SYN2: variants seen among roughly 807,000 people sequenced by gnomAD.
SYN2 encodes the protein synapsin-2.
Under a neutral mutation model 50.9 loss-of-function variants are expected in SYN2, and 19 were observed. The ratio of observed to expected loss-of-function variants is 0.37; its 90% confidence interval spans 0.26 to 0.55. The LOEUF (loss-of-function observed/expected upper bound fraction) is 0.55. Ranked by LOEUF, SYN2 falls within the 20% of genes least tolerant of loss-of-function variation. SYN2 has a pLI of 0.81. For missense variants in SYN2, 587 were observed against 576.4 expected (o/e 1.02, Z -0.19); for synonymous variants, 255 against 224.9 (o/e 1.13, Z -1.20).
At chr3:12,146,045 A>G (rs959065470) in intron 4 of SYN2, among the ~76,000 whole-genome samples, 2 of 152,226 alleles carry the variant, frequency 1.3e-5, no homozygotes, top group Admixed American at 1.3e-4. Flanking sequence ...AGGGCTGGCC[A>G]TCAGAATAGC....
chr3:12,176,338 G>T (rs549772001), intron 10 of SYN2, among the ~76,000 whole-genome samples: 1 of 152,238 alleles, frequency 6.6e-6, no homozygotes, highest in African/African-American at 2.4e-5. Context: ...CATTATACTG[G>T]TTCCACTCTT....
intron 1 of SYN2, among the ~76,000 whole-genome samples, chr3:12,011,183 C>A (rs1313588202): frequency 6.6e-6 from 1 of 152,124 alleles, no homozygotes; most frequent in African/African-American, 2.4e-5. Context: ...TGAATAATTT[C>A]AAAAACAGTG....
chr3:12,095,737 G>C (rs1001972878), intron 1 of SYN2, among the ~76,000 whole-genome samples: 1 of 150,036 alleles, frequency 6.7e-6, no homozygotes, highest in Non-Finnish European at 1.5e-5. Flanking sequence ...CCCAGTACCA[G>C]ATCTCTAAGT....
intron 6 of SYN2, 106 bp from the exon 7 acceptor site, chr3:12,161,906 G>A (rs1697657235): frequency 1.3e-6 from 2 of 1,482,200 alleles, no homozygotes; most frequent in Non-Finnish European, 1.8e-6. Flanking sequence ...TTAGTGTCTG[G>A]ATCGGATACA....
Position 12,158,961 on chromosome 3 carries a change from A to G in SYN2, c.775-2585A>G, listed in dbSNP as rs949155285. 2.9e-6 allele frequency: 4 copies of G among 1,356,648 alleles called. No homozygotes were observed. In the African/African-American group the frequency reaches 4.5e-5, roughly 15 times the overall value. The allele number at this position is 1,356,648 out of a possible 1,614,324, so 84.0% of individuals were successfully genotyped here. On this transcript the variant is annotated intron_variant, in intron 5 of 12. Transcript: ENST00000621198. ...CTTTATGAGGTGGCCCTAAGGGCCAATCCCGCCCCGACGGGCTCCGCCTTC... is the reference window on the plus strand; with the variant it reads ...CTTTATGAGGTGGCCCTAAGGGCCAGTCCCGCCCCGACGGGCTCCGCCTTC...
intron 5 of SYN2, among the ~76,000 whole-genome samples, chr3:12,157,815 C>T (rs1380345013): frequency 6.6e-6 from 1 of 152,092 alleles, no homozygotes; most frequent in Non-Finnish European, 1.5e-5. Context: ...GAGGAGGAGC[C>T]CCTTCAGGGC....
At chr3:12,127,117 G>T (rs1696687509) in intron 1 of SYN2, among the ~76,000 whole-genome samples, 1 of 152,206 alleles carries the variant, frequency 6.6e-6, no homozygotes, top group African/African-American at 2.4e-5. Flanking sequence ...TCAAAGGAAT[G>T]TGTCCAAACA....
chr3:12,095,782 A>G (rs1695919609), intron 1 of SYN2, among the ~76,000 whole-genome samples: 1 of 151,258 alleles, frequency 6.6e-6, no homozygotes, highest in Non-Finnish European at 1.5e-5. Flanking sequence ...CAGAGCCCTT[A>G]GTTGTTCTCT....
chr3:12,099,247 A>G (rs996021131), intron 1 of SYN2, among the ~76,000 whole-genome samples: 2 of 152,184 alleles, frequency 1.3e-5, no homozygotes, highest in Non-Finnish European at 2.9e-5. Context: ...ACCCAACAAT[A>G]GTAGAATGCC....
At chr3:12,046,205 A>T (rs1390197171) in intron 1 of SYN2, among the ~76,000 whole-genome samples, 2 of 152,128 alleles carry the variant, frequency 1.3e-5, no homozygotes, top group Non-Finnish European at 2.9e-5. Flanking sequence ...ATGTCTGGTA[A>T]ATTGGGTGGG....
At chr3:12,040,456 G>T (rs1330808107) in intron 1 of SYN2, among the ~76,000 whole-genome samples, 1 of 139,998 alleles carries the variant, frequency 7.1e-6, no homozygotes, top group Non-Finnish European at 1.5e-5. Flanking sequence ...TTTTTGAGAC[G>T]GAGTTTCGCT....
chr3:12,122,643 T>A (rs550839512), intron 1 of SYN2, among the ~76,000 whole-genome samples: 1 of 152,172 alleles, frequency 6.6e-6, no homozygotes, highest in Non-Finnish European at 1.5e-5. Context: ...AAAAAATGCT[T>A]CCTTTGAGAA....
At chr3:12,139,764 C>G (rs1055140779) in intron 1 of SYN2, among the ~76,000 whole-genome samples, 1 of 152,138 alleles carries the variant, frequency 6.6e-6, no homozygotes, top group African/African-American at 2.4e-5. Context: ...CTCAACTTAC[C>G]TAACAGGTAG....
At chr3:12,074,019 T>C (rs1387346403) in intron 1 of SYN2, among the ~76,000 whole-genome samples, 2 of 152,198 alleles carry the variant, frequency 1.3e-5, no homozygotes, top group Non-Finnish European at 2.9e-5. Context: ...ATTTAGAAGC[T>C]ATGAATTAGG....
chr3:12,105,250 G>T (rs1339716711), intron 1 of SYN2, among the ~76,000 whole-genome samples: 1 of 151,990 alleles, frequency 6.6e-6, no homozygotes, highest in East Asian at 2.0e-4. Flanking sequence ...AGAGATTTTT[G>T]AATTCTGGGC....
At chr3:12,040,426 GTTTCTT>G (rs1414126524) in intron 1 of SYN2, among the ~76,000 whole-genome samples, 3 of 125,622 alleles carry the variant, frequency 2.4e-5, no homozygotes, top group Non-Finnish European at 4.9e-5. Flanking sequence ...GGCAAGTTCT[GTTTCTT>G]TTTTTTTTTT....
intron 1 of SYN2, among the ~76,000 whole-genome samples, chr3:12,133,143 C>T (rs1443111175): frequency 1.3e-5 from 2 of 152,206 alleles, no homozygotes; most frequent in South Asian, 2.1e-4. Context: ...TTAACTAAGA[C>T]ACCATGCAGC....
intron 1 of SYN2, among the ~76,000 whole-genome samples, chr3:12,060,671 G>C (rs1275265809): frequency 6.6e-6 from 1 of 152,060 alleles, no homozygotes; most frequent in Non-Finnish European, 1.5e-5. Flanking sequence ...AGACAACAGA[G>C]GACATACAAA....
chr3:12,166,120 T>C (rs1170220278), intron 7 of SYN2, among the ~76,000 whole-genome samples: 2 of 152,186 alleles, frequency 1.3e-5, no homozygotes, highest in African/African-American at 4.8e-5. Context: ...GTTCGTTAAC[T>C]CATGGGGCCA....
Sources: gnomAD v4.1 joint callset for allele counts (sites outside exome capture counted in the v4.1 genomes callset) on GRCh38, gnomAD v4.1.1 for gene constraint, MANE v1.5 for transcripts, NCBI Gene and HGNC (gene_info 2026-07-23, HGNC 2026-07-21) for gene names.